The following TMEM63A variants were observed in gnomAD, a reference collection of about 807,000 sequenced individuals.
The protein encoded by TMEM63A is mechanosensitive cation channel TMEM63A.
TMEM63A carries 76 observed loss-of-function variants against 100.6 expected under a neutral mutation model. The ratio of observed to expected loss-of-function variants is 0.76; its 90% CI spans 0.63 to 0.91. The LOEUF (loss-of-function observed/expected upper bound fraction) is 0.91. TMEM63A is among the 40% of genes least tolerant of loss of function. The pLI is 0.00. For missense variants in TMEM63A, 876 were observed against 1,008.8 expected (o/e 0.87, Z 1.78); for synonymous variants, 401 against 401.1 (o/e 1.00, Z 0.00).
chr1:225,881,344 C>T (rs1320745122), intron 1 of TMEM63A, among the ~76,000 whole-genome samples: 2 of 151,992 alleles, frequency 1.3e-5, no homozygotes, highest in African/African-American at 4.9e-5. Flanking sequence ...GCACAGATCC[C>T]AAACAACACC....
At position 225,865,817 on chromosome 1, in the gene TMEM63A, T is replaced by C; in HGVS notation, c.746+80A>G. ...AAGCGAGAGACAGAAGGCGCTCACC[T>C]AAGGTGCTCGCCCTGCGGGTGGGGC... On this transcript the variant is annotated intron_variant, in intron 10 of 24. Transcript: ENST00000366835. The surrounding 1 kb of genome is among the most constrained non-coding windows in gnomAD (Gnocchi z 4.6). The C allele has an allele frequency of 4.1e-6, 6 of 1,475,308 alleles. No homozygotes were observed. The South Asian group carries it at 7.0e-5, about 17-fold the overall frequency. The allele number at this position is 1,475,308 out of a possible 1,614,324, so 91.4% of individuals were successfully genotyped here.
chr1:225,854,316 G>A (rs1293416391), intron 18 of TMEM63A, among the ~76,000 whole-genome samples: 2 of 152,194 alleles, frequency 1.3e-5, no homozygotes, highest in Admixed American at 6.5e-5. Context: ...AGGGGCTGGG[G>A]GCCAGCCCAG....
chr1:225,877,705 C>G (rs1186087934), intron 2 of TMEM63A, 111 bp from the exon 3 acceptor site: 5 of 1,102,570 alleles, frequency 4.5e-6, no homozygotes, highest in Non-Finnish European at 6.3e-6. Flanking sequence ...ACTGATCGGG[C>G]AGTGAGCCAG....
At chr1:225,844,673 G>C, downstream of TMEM63A, 1 of 1,610,026 alleles carries the variant, frequency 6.2e-7, no homozygotes, top group Non-Finnish European at 8.5e-7. Flanking sequence ...GGAGGCAGGG[G>C]GACGGCCAGT....
intron 3 of TMEM63A, among the ~76,000 whole-genome samples, chr1:225,875,325 C>T (rs1670727333): frequency 6.6e-6 from 1 of 152,262 alleles, no homozygotes; most frequent in Non-Finnish European, 1.5e-5. Context: ...ACTGTCCTCA[C>T]TCCCCACAGT....
At chr1:225,847,268 A>ATCCC in intron 23 of TMEM63A, 55 bp from the exon 24 acceptor site, 1 of 1,577,876 alleles carries the variant, frequency 6.3e-7, no homozygotes, top group East Asian at 2.3e-5. Context: ...TCCACACTGC[A>ATCCC]TCCCTCCCCT....
chr1:225,852,797 A>G, intron 19 of TMEM63A, 28 bp from the exon 20 acceptor site: 4 of 1,592,412 alleles, frequency 2.5e-6, no homozygotes, highest in Non-Finnish European at 3.4e-6. Flanking sequence ...TGAGGAGCTC[A>G]TGGACTTGTT....
Position 225,862,348 on chromosome 1 carries a change from C to T in TMEM63A, c.955G>A (p.Asp319Asn). Residue 319 changes from aspartate to asparagine, a missense_variant, in exon 13 of 25, where the codon GAC (aspartate) becomes AAC (asparagine). Asp to Asn is a conservative substitution (Grantham distance 23, BLOSUM62 1). Transcript: ENST00000366835. This position sits in a 1 kb window ranked among gnomAD's most constrained non-coding sequence, Gnocchi z 5.1. The stretch of plus-strand genomic sequence containing the variant: ...ATCCGTGTGTAGTAAGAGATGGCGT[C>T]TTCCTGCCACAAGACACATCCCATT... Reference protein sequence around the residue: ...CCEVLGCEWEDAISYYTRMKD... With the variant: ...CCEVLGCEWENAISYYTRMKD... 6.2e-7 allele frequency: 1 copy of T among 1,614,208 alleles called. No individual in the cohort carries two copies. The highest frequency in any genetic ancestry group is 8.5e-7 in the Non-Finnish European group (1 of 1,180,038).
chr1:225,879,895 C>T (rs967850305), intron 1 of TMEM63A, among the ~76,000 whole-genome samples: 6 of 152,226 alleles, frequency 3.9e-5, no homozygotes, highest in Admixed American at 3.9e-4. Flanking sequence ...AAAGAAAAAA[C>T]ATCCCCATAA....
chr1:225,859,090 T>C, intron 15 of TMEM63A, 106 bp downstream of exon 15: 13 of 1,512,972 alleles, frequency 8.6e-6, no homozygotes, highest in Non-Finnish European at 1.2e-5. Context: ...GACCCACTGG[T>C]TTAGTTCCCC....
intron 14 of TMEM63A, chr1:225,859,617 G>T: frequency 9.0e-6 from 4 of 446,802 alleles, no homozygotes; most frequent in South Asian, 3.3e-5. Flanking sequence ...GCCAAACAAG[G>T]CTCCAGCATG....
intron 22 of TMEM63A, 36 bp from the exon 23 acceptor site, chr1:225,848,590 AAACT>A: frequency 6.2e-7 from 1 of 1,610,048 alleles, no homozygotes; most frequent in Non-Finnish European, 8.5e-7. Context: ...ATGATAAACA[AAACT>A]GATCTCTGTG....
At chr1:225,851,630 A>G (rs954174050) in intron 20 of TMEM63A, among the ~76,000 whole-genome samples, 20 of 152,346 alleles carry the variant, frequency 1.3e-4, no homozygotes, top group African/African-American at 4.6e-4. Flanking sequence ...AGGCCTCCCA[A>G]AGTGCTGGGA....
downstream of TMEM63A, chr1:225,842,605 T>C: frequency 1.3e-6 from 1 of 782,574 alleles, no homozygotes; most frequent in Non-Finnish European, 2.3e-6. Flanking sequence ...TTCTTACAAA[T>C]CCTCACCCTG....
At chr1:225,842,273 G>C, downstream of TMEM63A, 2 of 960,220 alleles carry the variant, frequency 2.1e-6, no homozygotes, top group Non-Finnish European at 1.7e-6. Flanking sequence ...ACACAGCCCC[G>C]CCCTCTGCGG....
chr1:225,859,312 G>A lies in TMEM63A; in HGVS notation c.1261C>T (p.Gln421Ter). ...LSIQGLRWWL[Q>*]WLGINFTLFL... Reference sequence around the variant, plus strand: ...AGGGTGAAGTTGATGCCCAGCCACTGTAGCCACCAGCGGAGGCCCTGGATA... The same window carrying A: ...AGGGTGAAGTTGATGCCCAGCCACTATAGCCACCAGCGGAGGCCCTGGATA... The change falls in exon 15 of 25, where the codon CAG becomes TAG. Residue 421 changes from glutamine (Q) to a stop codon, truncating the protein, a stop_gained. Transcript: ENST00000366835. LOFTEE classifies it high-confidence loss of function. The A allele has an allele frequency of 6.2e-7, 1 of 1,614,172 alleles. No individual in the cohort carries two copies. Among genetic ancestry groups the A allele is most frequent in the Non-Finnish European group, 8.5e-7 (1 of 1,180,050 alleles).
chr1:225,858,485 C>T (rs1188513801), intron 15 of TMEM63A, among the ~76,000 whole-genome samples: 1 of 151,962 alleles, frequency 6.6e-6, no homozygotes, highest in Non-Finnish European at 1.5e-5. Context: ...CCAACACGCC[C>T]AGCTAATTTT....
chr1:225,859,172 G>A, intron 15 of TMEM63A, 24 bp downstream of exon 15: 4 of 1,613,860 alleles, frequency 2.5e-6, no homozygotes, highest in Non-Finnish European at 3.4e-6. Flanking sequence ...ATCCTGGGAG[G>A]GGCCTTGCAG....
intron 13 of TMEM63A, chr1:225,861,887 C>A: frequency 2.8e-6 from 1 of 355,832 alleles, no homozygotes; most frequent in South Asian, 3.6e-5. Flanking sequence ...CTCCATCTCC[C>A]CTGGGGCAAG....
Sources: gnomAD v4.1 joint callset for allele counts (sites outside exome capture counted in the v4.1 genomes callset) on GRCh38, gnomAD v4.1.1 for gene constraint, Gnocchi (gnomAD v3.1) non-coding constraint, MANE v1.5 for transcripts, NCBI Gene and HGNC (gene_info 2026-07-23, HGNC 2026-07-21) for gene names.